The following CCM2 variants were observed in gnomAD, a reference collection of about 807,000 sequenced individuals.
CCM2 encodes the protein cerebral cavernous malformations 2 protein.
CCM2 carries 25 observed loss-of-function variants against 44.9 expected under a neutral mutation model. The ratio of observed to expected loss-of-function variants is 0.56; its 90% confidence interval spans 0.41 to 0.78. CCM2 has a LOEUF of 0.78. CCM2 is among the 30% of genes least tolerant of loss of function. The pLI is 0.00. For missense variants in CCM2, 481 were observed against 580.6 expected (o/e 0.83, Z 1.76); for synonymous variants, 219 against 241.1 (o/e 0.91, Z 0.85).
intron 1 of CCM2, among the ~76,000 whole-genome samples, chr7:45,005,743 C>T (rs1428469512): frequency 2.0e-5 from 3 of 152,152 alleles, no homozygotes; most frequent in Non-Finnish European, 2.9e-5. Flanking sequence ...GAAAGTAGGT[C>T]ACTTACACCT....
intron 1 of CCM2, chr7:45,027,903 A>G (rs1796764822): frequency 8.6e-7 from 1 of 1,156,986 alleles, no homozygotes; most frequent in African/African-American, 1.5e-5. Context: ...ATTGTGAGCT[A>G]GGGTAGCCCA....
At chr7:45,055,759 G>T (rs566498904) in intron 2 of CCM2, among the ~76,000 whole-genome samples, 1 of 152,174 alleles carries the variant, frequency 6.6e-6, no homozygotes, top group Non-Finnish European at 1.5e-5. Context: ...TCACATTGTT[G>T]TGCAACCATC....
chr7:45,002,603 G>A (rs990950046), intron 1 of CCM2, among the ~76,000 whole-genome samples: 3 of 151,898 alleles, frequency 2.0e-5, no homozygotes, highest in Non-Finnish European at 2.9e-5. Flanking sequence ...TCAGGACACA[G>A]GAATCAGTGA....
intron 4 of CCM2, 28 bp downstream of exon 4, chr7:45,064,674 C>A: frequency 1.9e-6 from 3 of 1,612,372 alleles, no homozygotes; most frequent in East Asian, 2.2e-5. Context: ...TCAGGAGGGT[C>A]CTTGTCCTAA....
intron 1 of CCM2, among the ~76,000 whole-genome samples, chr7:45,005,592 ACCTAACTATTGAGCATTTAAATCAC>A (rs1795813710): frequency 6.6e-6 from 1 of 152,032 alleles, no homozygotes; most frequent in South Asian, 2.1e-4. Flanking sequence ...AGTCCTATAA[ACCTAACTATTGAGCATTTAAATCAC>A]CCTCTATTGT....
intron 6 of CCM2, chr7:45,071,107 A>T (rs1799048835): frequency 6.6e-6 from 1 of 152,252 alleles, no homozygotes; most frequent in South Asian, 2.1e-4. Flanking sequence ...TGGCCCAGCG[A>T]GATAGGTGCA....
intron 1 of CCM2, among the ~76,000 whole-genome samples, chr7:45,033,717 C>T (rs1448551249): frequency 6.6e-6 from 1 of 152,150 alleles, no homozygotes; most frequent in African/African-American, 2.4e-5. Context: ...CTCTGTATTT[C>T]CATAACCTCC....
At chr7:45,039,653 A>G (rs1797386148) in intron 2 of CCM2, among the ~76,000 whole-genome samples, 1 of 152,234 alleles carries the variant, frequency 6.6e-6, no homozygotes, top group African/African-American at 2.4e-5. Flanking sequence ...TTTCAGAAAG[A>G]TAAGAGGAAA....
intron 2 of CCM2, among the ~76,000 whole-genome samples, chr7:45,044,280 C>G (rs912597254): frequency 1.3e-5 from 2 of 152,162 alleles, no homozygotes; most frequent in Admixed American, 1.3e-4. Flanking sequence ...ACTGCAGAAG[C>G]CTGCCACCAC....
At chr7:45,046,789 T>C (rs1216083086) in intron 2 of CCM2, among the ~76,000 whole-genome samples, 1 of 152,286 alleles carries the variant, frequency 6.6e-6, no homozygotes, top group Admixed American at 6.5e-5. Flanking sequence ...TGAAAACATA[T>C]GCTACAGACT....
At chr7:45,024,502 T>A (rs942976754) in intron 1 of CCM2, among the ~76,000 whole-genome samples, 1 of 152,220 alleles carries the variant, frequency 6.6e-6, no homozygotes, top group South Asian at 2.1e-4. Flanking sequence ...TTCCACTGTT[T>A]CTTGGAGTCC....
intron 2 of CCM2, among the ~76,000 whole-genome samples, chr7:45,046,588 A>G (rs1797766169): frequency 6.6e-6 from 1 of 152,272 alleles, no homozygotes; most frequent in South Asian, 2.1e-4. Context: ...CAACTTAAAC[A>G]CAAAAATTAA....
intron 1 of CCM2, among the ~76,000 whole-genome samples, chr7:45,008,290 G>A (rs1349789127): frequency 3.3e-5 from 5 of 149,868 alleles, no homozygotes; most frequent in African/African-American, 4.9e-5. Flanking sequence ...CACCCGCCTC[G>A]TCCTCCCGAA....
chr7:45,059,556 G>A (rs1016508201), intron 2 of CCM2, among the ~76,000 whole-genome samples: 1 of 152,094 alleles, frequency 6.6e-6, no homozygotes, highest in African/African-American at 2.4e-5. Context: ...ACCAGCCTGG[G>A]CAACATGGCA....
chr7:45,015,946 G>A (rs1796247126), intron 1 of CCM2, among the ~76,000 whole-genome samples: 1 of 152,136 alleles, frequency 6.6e-6, no homozygotes, highest in African/African-American at 2.4e-5. Context: ...CCGAAGAAAA[G>A]AAAGAAAATT....
rs1208088068 is a variant in CCM2, at chr7:45,073,529, G to C, written c.873G>C (p.Leu291=). Reference sequence around the variant, plus strand: ...GCAAGACCATCAGTGAGAGCGAGCTGAGCGCCAGCGCCACTGAGCTGCTGC... The same window carrying C: ...GCAAGACCATCAGTGAGAGCGAGCTCAGCGCCAGCGCCACTGAGCTGCTGC... ...PHSKTISESE[L]SASATELLQD... is the part of the protein sequence containing the mutation. Residue 291 remains leucine, a synonymous_variant, in exon 8 of 10, where the codon CTG becomes CTC. Coordinates refer to ENST00000258781, the MANE Select transcript of CCM2 (RefSeq NM_031443.4). The C allele has an allele frequency of 6.2e-7, 1 of 1,613,000 alleles. No homozygotes were observed. The highest frequency in any genetic ancestry group is 8.5e-7 in the Non-Finnish European group (1 of 1,179,914).
At chr7:45,038,170 G>T in intron 1 of CCM2, 83 bp from the exon 2 acceptor site, 1 of 1,529,816 alleles carries the variant, frequency 6.5e-7, no homozygotes, top group Non-Finnish European at 9.0e-7. Flanking sequence ...TAGTAGTTTT[G>T]GCTACTTCTG....
At chr7:45,022,370 G>C (rs1431318447) in intron 1 of CCM2, among the ~76,000 whole-genome samples, 2 of 135,766 alleles carry the variant, frequency 1.5e-5, no homozygotes, top group African/African-American at 2.7e-5. Context: ...GCAGTGGTGC[G>C]ATCTCGGTTC....
intron 2 of CCM2, among the ~76,000 whole-genome samples, chr7:45,042,050 C>T (rs1033867146): frequency 2.1e-4 from 32 of 151,998 alleles, no homozygotes; most frequent in Admixed American, 3.3e-4. Context: ...CTGAGGCGGA[C>T]GGATCACGAG....
Sources: allele counts gnomAD v4.1 joint callset (sites outside exome capture counted in the v4.1 genomes callset), GRCh38; gene constraint gnomAD v4.1.1; transcripts MANE v1.5; gene names NCBI Gene and HGNC (gene_info 2026-07-23, HGNC 2026-07-21).